The following FBLN7 variants were observed in gnomAD, a reference collection of about 807,000 sequenced individuals.
FBLN7 encodes fibulin 7, also known as fibulin-7.
In FBLN7, 31 loss-of-function variants were observed where a neutral mutation model predicts 44.0. That is an observed-to-expected ratio of 0.70 (90% confidence interval 0.53 to 0.95). FBLN7 has a LOEUF of 0.95. FBLN7 is among the 40% of genes least tolerant of loss of function. FBLN7 has a pLI of 0.00. For synonymous variants in FBLN7, 262 were observed against 253.4 expected (o/e 1.03, Z -0.32); for missense variants, 573 against 618.5 (o/e 0.93, Z 0.78).
At chr2:112,183,473 C>T (rs1366237188) in intron 6 of FBLN7, among the ~76,000 whole-genome samples, 2 of 152,204 alleles carry the variant, frequency 1.3e-5, no homozygotes, top group Admixed American at 1.3e-4. Context: ...ATCACTACCC[C>T]TGGCTTGTGA....
intron 1 of FBLN7, among the ~76,000 whole-genome samples, chr2:112,142,758 ATGTGTGTGTT>A (rs1041123565): frequency 3.2e-5 from 4 of 126,722 alleles, no homozygotes; most frequent in Non-Finnish European, 6.3e-5. Flanking sequence ...TCATGAGCGT[ATGTGTGTGTT>A]TGTGTGTGTG....
chr2:112,138,854 T>A, intron 1 of FBLN7, 124 bp downstream of exon 1: 1 of 1,239,696 alleles, frequency 8.1e-7, no homozygotes, highest in Non-Finnish European at 1.1e-6. Flanking sequence ...CTCCCGCCTC[T>A]CTCCCCTGTC....
intron 1 of FBLN7, among the ~76,000 whole-genome samples, chr2:112,157,090 C>G (rs1681468815): frequency 6.6e-6 from 1 of 152,228 alleles, no homozygotes; most frequent in Admixed American, 6.5e-5. Flanking sequence ...AAAATTAAGA[C>G]TGGGTGCGGT....
chr2:112,196,673 C>T, the FBLN7 span, among the ~76,000 whole-genome samples: 2 of 152,144 alleles, frequency 1.3e-5, no homozygotes, highest in Non-Finnish European at 2.9e-5. Flanking sequence ...AGCCTTAGCT[C>T]TGTCCCAGCC....
At position 112,182,911 on chromosome 2, in the gene FBLN7, A is replaced by T. The variant is rs1393457229; in HGVS notation, c.791A>T (p.Asp264Val). The T allele has an allele frequency of 5.6e-6, 9 of 1,612,560 alleles. No homozygotes were observed. The highest frequency in any genetic ancestry group is 7.6e-6 in the Non-Finnish European group (9 of 1,179,820). Reference sequence around the variant, plus strand: ...CCCGGTGGATACCGAACTCTGGCTGACGGGAAGAGCTGTGAGGGTGAGTGA... The same window carrying T: ...CCCGGTGGATACCGAACTCTGGCTGTCGGGAAGAGCTGTGAGGGTGAGTGA... ...TCPGGYRTLA[D>V]GKSCEDVDEC... Residue 264 changes from aspartate to valine, a missense_variant, in exon 6 of 8, where the codon GAC (aspartate) becomes GTC (valine). Transcript: ENST00000331203.
chr2:112,238,903 C>T, the FBLN7 span, among the ~76,000 whole-genome samples: 1 of 152,176 alleles, frequency 6.6e-6, no homozygotes, highest in African/African-American at 2.4e-5. Context: ...TCTGCCTTTG[C>T]ATTGACAGTA....
the FBLN7 span, among the ~76,000 whole-genome samples, chr2:112,221,153 T>G: frequency 6.6e-6 from 1 of 152,204 alleles, no homozygotes; most frequent in Non-Finnish European, 1.5e-5. Flanking sequence ...TGTTCAGTCT[T>G]TGATATGGTT....
Position 112,153,945 on chromosome 2 carries a change from C to T in FBLN7, c.76-5731C>T, listed in dbSNP as rs192145911. 3.5e-4 allele frequency among the ~76,000 whole-genome samples: 53 copies of T among 152,334 alleles called. No individual in the cohort carries two copies. The East Asian group carries it at 9.3e-3, about 27-fold the overall frequency. On this transcript the variant is annotated intron_variant, in intron 1 of 7. Transcript: ENST00000331203. ...TTGCTTCCAAGAGCCTTAAAACCAG[C>T]TCCTCCCCTCGCCCAGCTCTCAGCA...
the FBLN7 span, among the ~76,000 whole-genome samples, chr2:112,203,728 A>T: frequency 5.9e-5 from 9 of 152,224 alleles, no homozygotes; most frequent in Non-Finnish European, 1.0e-4. Flanking sequence ...AATTGGACTT[A>T]CAGTTCCACA....
intron 1 of FBLN7, among the ~76,000 whole-genome samples, chr2:112,157,122 C>T (rs937986559): frequency 3.9e-5 from 6 of 152,268 alleles, no homozygotes; most frequent in South Asian, 2.1e-4. Context: ...GTAATCCCAG[C>T]GCTTTGGGAG....
the FBLN7 span, among the ~76,000 whole-genome samples, chr2:112,228,182 CAG>C: frequency 2.6e-5 from 4 of 152,058 alleles, no homozygotes; most frequent in African/African-American, 9.7e-5. Flanking sequence ...GAAGGCAAGT[CAG>C]GGGGAAGGGG....
At chr2:112,200,867 C>T in the FBLN7 span, among the ~76,000 whole-genome samples, 1 of 152,124 alleles carries the variant, frequency 6.6e-6, no homozygotes, top group South Asian at 2.1e-4. Context: ...CCTATTTATT[C>T]TCTTTCACTT....
At chr2:112,193,180 C>T (rs1683543314), downstream of FBLN7, among the ~76,000 whole-genome samples, 1 of 152,156 alleles carries the variant, frequency 6.6e-6, no homozygotes, top group Non-Finnish European at 1.5e-5. Context: ...GTGGGTCACA[C>T]CTGTAATCCC....
chr2:112,206,733 G>GTT, the FBLN7 span, among the ~76,000 whole-genome samples: 2,175 of 122,962 alleles, frequency 0.018, 71 homozygotes, highest in African/African-American at 0.058. Flanking sequence ...CTTATTGACT[G>GTT]TTTTTTTTTT....
chr2:112,158,903 T>C (rs1681575724), intron 1 of FBLN7, among the ~76,000 whole-genome samples: 1 of 152,158 alleles, frequency 6.6e-6, no homozygotes, highest in East Asian at 1.9e-4. Flanking sequence ...TAGCATTAAG[T>C]AGAATGCTGG....
At chr2:112,199,474 C>T in the FBLN7 span, among the ~76,000 whole-genome samples, 64 of 152,304 alleles carry the variant, frequency 4.2e-4, no homozygotes, top group Non-Finnish European at 8.2e-4. Flanking sequence ...CACAAATCAT[C>T]TAAGCATAAA....
chr2:112,224,598 A>C, the FBLN7 span, among the ~76,000 whole-genome samples: 1 of 152,270 alleles, frequency 6.6e-6, no homozygotes, highest in African/African-American at 2.4e-5. Flanking sequence ...ATGTCCATCA[A>C]CAGATGAATA....
chr2:112,228,115 A>G, the FBLN7 span, among the ~76,000 whole-genome samples: 35 of 152,376 alleles, frequency 2.3e-4, 2 homozygotes, highest in African/African-American at 7.5e-4. Flanking sequence ...ATGGAACACA[A>G]CTAAGTACAG....
chr2:112,157,522 C>A (rs1260788452), intron 1 of FBLN7, among the ~76,000 whole-genome samples: 5 of 152,168 alleles, frequency 3.3e-5, no homozygotes, highest in African/African-American at 1.2e-4. Context: ...ATGTGAATGG[C>A]CTTAGTAGAG....
Sources: allele counts gnomAD v4.1 joint callset (sites outside exome capture counted in the v4.1 genomes callset), GRCh38; gene constraint gnomAD v4.1.1; transcripts MANE v1.5; gene names NCBI Gene and HGNC (gene_info 2026-07-23, HGNC 2026-07-21).